The following CCDC15 variants were observed in gnomAD, a reference collection of about 807,000 sequenced individuals.
CCDC15 encodes coiled-coil domain-containing protein 15.
In CCDC15, 105 loss-of-function variants were observed where a neutral mutation model predicts 114.5. That is an observed-to-expected ratio of 0.92 (90% CI 0.78 to 1.08). The LOEUF is 1.08. Ranked by LOEUF, CCDC15 falls within the 50% of genes least tolerant of loss-of-function variation. CCDC15 has a pLI of 0.00. For missense variants in CCDC15, 1,105 were observed against 1,093.6 expected, an observed-to-expected ratio of 1.01 and a Z score of -0.15; for synonymous variants, 334 against 377.8, an observed-to-expected ratio of 0.88 and a Z score of 1.34.
intron 13 of CCDC15, among the ~76,000 whole-genome samples, chr11:125,006,425 T>G (rs570164308): frequency 3.9e-5 from 6 of 152,354 alleles, no homozygotes; most frequent in Admixed American, 1.3e-4. Flanking sequence ...TTGTATATTT[T>G]GAATAACAGT....
intron 11 of CCDC15, among the ~76,000 whole-genome samples, chr11:125,001,104 A>G (rs1220257640): frequency 6.6e-6 from 1 of 152,238 alleles, no homozygotes; most frequent in Non-Finnish European, 1.5e-5. Context: ...TACTTCAGCT[A>G]TGCATGGGGA....
intron 2 of CCDC15, 147 bp from the exon 3 acceptor site, chr11:124,958,968 A>T: frequency 4.1e-6 from 2 of 490,212 alleles, no homozygotes; most frequent in East Asian, 3.8e-5. Context: ...TTAAGATTTG[A>T]TACTCATACA....
chr11:124,996,873 TTAAGGCTGAATAGCATTCCACTGAATGTA>T (rs1409198975), intron 11 of CCDC15, among the ~76,000 whole-genome samples: 5 of 152,252 alleles, frequency 3.3e-5, no homozygotes, highest in African/African-American at 1.2e-4. Flanking sequence ...TACTTCCTTT[TTAAGGCTGAATAGCATTCCACTGAATGTA>T]TATACTACAT....
chr11:125,013,146 A>G (rs1948606469), intron 13 of CCDC15, among the ~76,000 whole-genome samples: 1 of 152,220 alleles, frequency 6.6e-6, no homozygotes, highest in Non-Finnish European at 1.5e-5. Context: ...AAAGAGACAA[A>G]AAATAATTAT....
chr11:125,009,152 G>A (rs1446592810), intron 13 of CCDC15, among the ~76,000 whole-genome samples: 1 of 151,204 alleles, frequency 6.6e-6, no homozygotes, highest in Non-Finnish European at 1.5e-5. Flanking sequence ...ACTTGAACAC[G>A]GGGGGCGGAG....
chr11:124,955,216 G>A (rs1947528346), intron 2 of CCDC15, among the ~76,000 whole-genome samples: 1 of 152,130 alleles, frequency 6.6e-6, no homozygotes, highest in Admixed American at 6.5e-5. Context: ...TGCTTGTTAT[G>A]CCCAAGACAT....
intron 8 of CCDC15, among the ~76,000 whole-genome samples, chr11:124,988,679 C>T (rs1323440228): frequency 6.6e-6 from 1 of 152,162 alleles, no homozygotes; most frequent in Non-Finnish European, 1.5e-5. Flanking sequence ...TCCCTCAAAC[C>T]CTGCCACTGC....
chr11:125,017,062 G>A (rs1948633672), intron 13 of CCDC15, among the ~76,000 whole-genome samples: 1 of 152,132 alleles, frequency 6.6e-6, no homozygotes, highest in African/African-American at 2.4e-5. Context: ...TTCTTTGCAT[G>A]GAAGTCACAT....
Position 124,986,700 on chromosome 11 carries a change from TGC to T in CCDC15, c.754-30_754-29del, listed in dbSNP as rs1555068495. ...GTGTGTGTGTGTGTGTTTGTGTGTG[TGC>T]GCGCGCGCGCGTGCGCGTTTTCATT... On this transcript the variant is annotated intron_variant, in intron 6 of 15. Transcript: ENST00000344762. The T allele has an allele frequency of 5.2e-4, 694 of 1,334,670 alleles. 4 individuals carry two copies. Among genetic ancestry groups the T allele is most frequent in the South Asian group, 1.5e-3 (101 of 66,580 alleles). 82.7% of individuals were successfully genotyped at this position (1,334,670 alleles called of 1,614,324 possible). A position where few individuals can be genotyped will look rare whatever the true frequency, so the allele number is the denominator to read the frequency against.
At chr11:124,961,941 G>A (rs1947667571) in intron 4 of CCDC15, among the ~76,000 whole-genome samples, 1 of 152,042 alleles carries the variant, frequency 6.6e-6, no homozygotes, top group Admixed American at 6.6e-5. Flanking sequence ...TTATAATGGA[G>A]AATAACCAAA....
At chr11:124,985,168 G>A (rs947321304) in intron 6 of CCDC15, among the ~76,000 whole-genome samples, 5 of 152,180 alleles carry the variant, frequency 3.3e-5, no homozygotes, top group African/African-American at 1.2e-4. Context: ...CCACATTGTA[G>A]TGGATGTATC....
At chr11:125,024,338 GT>G (rs1458929401) in intron 13 of CCDC15, among the ~76,000 whole-genome samples, 1 of 151,960 alleles carries the variant, frequency 6.6e-6, no homozygotes, top group African/African-American at 2.4e-5. Flanking sequence ...AAAAATTAGT[GT>G]TTCAGTTTCT....
chr11:124,992,459 A>G, intron 9 of CCDC15, 121 bp from the exon 10 acceptor site: 1 of 631,888 alleles, frequency 1.6e-6, no homozygotes, highest in South Asian at 2.0e-5. Context: ...ATCAAAACGT[A>G]TCAGAATATT....
intron 4 of CCDC15, among the ~76,000 whole-genome samples, chr11:124,961,017 A>G (rs1165773394): frequency 6.6e-6 from 1 of 152,236 alleles, no homozygotes; most frequent in Admixed American, 6.5e-5. Flanking sequence ...TTGAACTACT[A>G]TTAAAATTTT....
intron 13 of CCDC15, among the ~76,000 whole-genome samples, chr11:125,033,657 C>T (rs1033189530): frequency 3.3e-5 from 5 of 152,124 alleles, no homozygotes; most frequent in African/African-American, 1.2e-4. Flanking sequence ...CTTTGGATCC[C>T]GTTCTAAACC....
chr11:125,024,459 T>TTATTTA (rs1449512095), intron 13 of CCDC15, among the ~76,000 whole-genome samples: 1 of 152,108 alleles, frequency 6.6e-6, no homozygotes, highest in Non-Finnish European at 1.5e-5. Context: ...CCATTAACAT[T>TTATTTA]TATATAGACC....
At chr11:124,982,767 G>C (rs1948092061) in intron 6 of CCDC15, among the ~76,000 whole-genome samples, 1 of 152,068 alleles carries the variant, frequency 6.6e-6, no homozygotes, top group East Asian at 1.9e-4. Flanking sequence ...TGTGTGGTTG[G>C]GGGATGGTCT....
At chr11:124,995,609 G>A (rs190054076) in intron 11 of CCDC15, among the ~76,000 whole-genome samples, 18 of 152,180 alleles carry the variant, frequency 1.2e-4, no homozygotes, top group Admixed American at 8.5e-4. Flanking sequence ...AGCAAGACAC[G>A]ACACTCAAAT....
At chr11:124,965,630 C>T (rs1375044414) in intron 4 of CCDC15, among the ~76,000 whole-genome samples, 1 of 152,076 alleles carries the variant, frequency 6.6e-6, no homozygotes, top group African/African-American at 2.4e-5. Context: ...GTTTTTGTGT[C>T]TCTATCTCCT....
Sources: allele counts gnomAD v4.1 joint callset (sites outside exome capture counted in the v4.1 genomes callset), GRCh38; gene constraint gnomAD v4.1.1; transcripts MANE v1.5; gene names NCBI Gene and HGNC (gene_info 2026-07-23, HGNC 2026-07-21).